Variants in GPHN observed in about 807,000 individuals in gnomAD.
GPHN encodes gephyrin.
A neutral mutation model predicts 95.5 loss-of-function variants in GPHN; 17 were observed. That is an observed-to-expected ratio of 0.18 (90% confidence interval 0.12 to 0.27). GPHN has a LOEUF of 0.27. Among genes scored for constraint, GPHN ranks in the 10% least tolerant of loss-of-function variants. GPHN has a pLI of 1.00. For synonymous variants in GPHN, 320 were observed against 322.5 expected, an observed-to-expected ratio of 0.99 and a Z score of 0.08; for missense variants, 660 against 978.1, an observed-to-expected ratio of 0.67 and a Z score of 4.34.
At chr14:66,761,659 C>CTT (rs753179169) in intron 2 of GPHN, among the ~76,000 whole-genome samples, 7 of 135,636 alleles carry the variant, frequency 5.2e-5, no homozygotes, top group Non-Finnish European at 6.6e-5. Flanking sequence ...ATACTCAGTT[C>CTT]TTTTTTTTTT....
At position 66,729,218 on chromosome 14, in the gene GPHN, T is replaced by C. The variant is rs1378439416; in HGVS notation, c.144-47246T>C. Among the ~76,000 whole-genome samples, 5 of 152,178 alleles carry C rather than the reference T, an allele frequency of 3.3e-5. 1 individual carries two copies. The East Asian group carries it at 9.6e-4, about 29-fold the overall frequency. ...TCTTTATTTTGTAAATTGCCCTGTC[T>C]CGGGTATGTCTTTATCAGCAGCGTG... is the stretch of plus-strand genomic sequence containing the variant. On this transcript the variant is annotated intron_variant, in intron 2 of 22. Coordinates refer to ENST00000478722, the MANE Select transcript of GPHN (RefSeq NM_020806.5).
chr14:67,416,903 A>G, the GPHN span, among the ~76,000 whole-genome samples: 366 of 152,362 alleles, frequency 2.4e-3, 2 homozygotes, highest in African/African-American at 8.7e-3. Flanking sequence ...AGCTGTGAAC[A>G]TTGAGTGGTC....
intron 1 of GPHN, among the ~76,000 whole-genome samples, chr14:66,607,403 TG>T (rs371244267): frequency 6.6e-6 from 1 of 151,972 alleles, no homozygotes; most frequent in African/African-American, 2.4e-5. Flanking sequence ...TGTTTTTTTT[TG>T]TTTTTTTAGG....
the GPHN span, among the ~76,000 whole-genome samples, chr14:67,290,019 G>A: frequency 2.0e-5 from 3 of 151,994 alleles, no homozygotes; most frequent in South Asian, 4.1e-4. Context: ...TGATCCACCC[G>A]CCTTGGTCTC....
chr14:67,560,762 C>T, the GPHN span, among the ~76,000 whole-genome samples: 44,581 of 144,978 alleles, frequency 0.31, 7,077 homozygotes, highest in Non-Finnish European at 0.34. Context: ...CGGAGTCTCG[C>T]TCTTGTTTCC....
intron 4 of GPHN, among the ~76,000 whole-genome samples, chr14:66,835,532 G>A (rs1307506083): frequency 1.3e-5 from 2 of 151,426 alleles, no homozygotes; most frequent in African/African-American, 2.4e-5. Context: ...TTGAAAACTG[G>A]CACAAGACAG....
intron 4 of GPHN, among the ~76,000 whole-genome samples, chr14:66,863,326 CA>C: frequency 6.6e-6 from 1 of 151,672 alleles, no homozygotes; most frequent in Non-Finnish European, 1.5e-5. Flanking sequence ...CAGAGGACAC[CA>C]AAAACTGGAA....
intron 8 of GPHN, among the ~76,000 whole-genome samples, chr14:66,951,285 G>A (rs1174081704): frequency 1.3e-5 from 2 of 151,994 alleles, no homozygotes; most frequent in African/African-American, 2.4e-5. Flanking sequence ...TTTGGGGGCC[G>A]AGGCAGGCAG....
At chr14:66,720,213 A>G (rs965328858) in intron 2 of GPHN, among the ~76,000 whole-genome samples, 2 of 152,188 alleles carry the variant, frequency 1.3e-5, no homozygotes, top group African/African-American at 2.4e-5. Flanking sequence ...TCAATTGTCT[A>G]AAGATTGTCT....
the GPHN span, among the ~76,000 whole-genome samples, chr14:67,666,602 T>C: frequency 6.6e-6 from 1 of 152,376 alleles, no homozygotes; most frequent in Admixed American, 6.5e-5. Context: ...GAGGGATCAA[T>C]AGCAGCTTTT....
At chr14:67,573,949 G>A in the GPHN span, 119 of 1,216,554 alleles carry the variant, frequency 9.8e-5, no homozygotes, top group African/African-American at 2.1e-4. The surrounding 1 kb of genome is among the most constrained non-coding windows in gnomAD (Gnocchi z 4.8). Context: ...GGATATGGCC[G>A]TGAGTGAGAC....
chr14:66,724,129 C>T (rs529596920), intron 2 of GPHN, among the ~76,000 whole-genome samples: 1 of 152,074 alleles, frequency 6.6e-6, no homozygotes, highest in Non-Finnish European at 1.5e-5. Context: ...CTTGTCTTTT[C>T]GCCAGCTTAT....
chr14:66,850,077 C>G (rs1305903325), intron 4 of GPHN, among the ~76,000 whole-genome samples: 1 of 151,980 alleles, frequency 6.6e-6, no homozygotes. Context: ...TTCTAACTAT[C>G]CTTTTCTTAT....
At chr14:67,216,284 A>C in the GPHN span, among the ~76,000 whole-genome samples, 1 of 152,014 alleles carries the variant, frequency 6.6e-6, no homozygotes, top group African/African-American at 2.4e-5. Context: ...ACTAACCTGT[A>C]GTCTTCTTTT....
At chr14:67,024,732 C>G (rs978741812) in intron 10 of GPHN, among the ~76,000 whole-genome samples, 20 of 152,112 alleles carry the variant, frequency 1.3e-4, no homozygotes, top group African/African-American at 4.8e-4. Context: ...TCAAGTATTG[C>G]CAACCAGGGA....
At chr14:66,589,468 G>A (rs994457119) in intron 1 of GPHN, among the ~76,000 whole-genome samples, 1 of 151,070 alleles carries the variant, frequency 6.6e-6, no homozygotes, top group Non-Finnish European at 1.5e-5. Context: ...AGGACCCATT[G>A]ATGTGCTGTA....
chr14:66,749,751 A>T (rs1308618846), intron 2 of GPHN, among the ~76,000 whole-genome samples: 1 of 151,568 alleles, frequency 6.6e-6, no homozygotes, highest in African/African-American at 2.4e-5. Flanking sequence ...ACAATTCATT[A>T]TCAGATTTGC....
At chr14:67,656,781 A>C in the GPHN span, among the ~76,000 whole-genome samples, 3 of 152,170 alleles carry the variant, frequency 2.0e-5, no homozygotes, top group African/African-American at 7.2e-5. Flanking sequence ...AATCCAATCA[A>C]TAGGATCACA....
At chr14:66,760,941 GC>G in intron 2 of GPHN, 1 of 817,084 alleles carries the variant, frequency 1.2e-6, no homozygotes. Flanking sequence ...AGCCTCTTTT[GC>G]AGGCAAAGGG....
Sources: gnomAD v4.1 joint callset for allele counts (sites outside exome capture counted in the v4.1 genomes callset) on GRCh38, gnomAD v4.1.1 for gene constraint, Gnocchi (gnomAD v3.1) non-coding constraint, MANE v1.5 for transcripts, NCBI Gene and HGNC (gene_info 2026-07-23, HGNC 2026-07-21) for gene names.